Variants in VPS13B observed in about 807,000 individuals in gnomAD.
The protein encoded by VPS13B is vacuolar protein sorting 13 homolog B, also known as intermembrane lipid transfer protein VPS13B.
A neutral mutation model predicts 426.4 loss-of-function variants in VPS13B; 285 were observed. That is an observed-to-expected ratio of 0.67 (90% CI 0.61 to 0.74). The LOEUF (loss-of-function observed/expected upper bound fraction) is 0.74, where lower values mean the gene tolerates loss of function less well. Among genes scored for constraint, VPS13B ranks in the 30% least tolerant of loss-of-function variants. VPS13B has a pLI of 0.00. For synonymous variants in VPS13B, 1,676 were observed against 1,676.4 expected (o/e 1.00, Z 0.01); for missense variants, 4,537 against 4,782.6 (o/e 0.95, Z 1.51).
At chr8:99,591,334 G>A (rs890677670) in intron 33 of VPS13B, among the ~76,000 whole-genome samples, 1 of 151,904 alleles carries the variant, frequency 6.6e-6, no homozygotes, top group Non-Finnish European at 1.5e-5. Flanking sequence ...TTTAATTGGG[G>A]CATTTAGCCC....
chr8:99,256,454 T>A (rs1817746109), intron 17 of VPS13B, among the ~76,000 whole-genome samples: 1 of 152,200 alleles, frequency 6.6e-6, no homozygotes, highest in South Asian at 2.1e-4. Context: ...CTATGTTTAA[T>A]TTCTTGAGGA....
intron 39 of VPS13B, among the ~76,000 whole-genome samples, chr8:99,724,028 G>T (rs956643199): frequency 1.3e-5 from 2 of 152,220 alleles, no homozygotes; most frequent in African/African-American, 2.4e-5. Flanking sequence ...AGCAGAGTTT[G>T]TCCCAGAGCT....
chr8:99,104,570 C>G (rs997200043), intron 5 of VPS13B, among the ~76,000 whole-genome samples: 3 of 151,196 alleles, frequency 2.0e-5, no homozygotes, highest in African/African-American at 7.3e-5. Context: ...CCCCCCTCCC[C>G]TCTCCCTTTC....
rs1832195466 is a variant in VPS13B, at chr8:99,699,885, C to G, written c.6407C>G (p.Ser2136Ter). Residue 2136 changes from serine (S) to a stop codon, truncating the protein, a stop_gained, in exon 36 of 62, where the codon TCA becomes TGA. Coordinates refer to ENST00000357162, the MANE Select transcript of VPS13B (RefSeq NM_152564.5). LOFTEE classifies it high-confidence loss of function. ...TSKPCLLASL[S>*]NLNGSLSVKA... ...AAACCATGCCTGTTAGCATCTCTCT[C>G]AAACCTCAATGGAAGCCTTAGTGTC... 1.9e-6 allele frequency: 3 copies of G among 1,613,828 alleles called. No individual in the cohort carries two copies. The highest frequency in any genetic ancestry group is 2.5e-6 in the Non-Finnish European group (3 of 1,179,984).
At chr8:99,079,668 T>G (rs1845340220) in intron 3 of VPS13B, among the ~76,000 whole-genome samples, 1 of 152,208 alleles carries the variant, frequency 6.6e-6, no homozygotes, top group Non-Finnish European at 1.5e-5. Context: ...AAAATTGTTT[T>G]TTTAGGTTAC....
At chr8:99,030,378 G>GAT (rs1053740222) in intron 2 of VPS13B, among the ~76,000 whole-genome samples, 1 of 151,596 alleles carries the variant, frequency 6.6e-6, no homozygotes, top group African/African-American at 2.4e-5. Flanking sequence ...GTTTTCTCCG[G>GAT]ATACTCTGGT....
At chr8:99,871,762 AC>A in intron 61 of VPS13B, 65 bp downstream of exon 61, 1 of 1,608,792 alleles carries the variant, frequency 6.2e-7, no homozygotes, top group Non-Finnish European at 8.5e-7. Flanking sequence ...CAGGCTGGTC[AC>A]TGGTACCTAG....
chr8:99,457,279 G>A (rs751337264), intron 23 of VPS13B, among the ~76,000 whole-genome samples: 9 of 152,116 alleles, frequency 5.9e-5, no homozygotes, highest in East Asian at 3.9e-4. Flanking sequence ...TGGTCCGCCC[G>A]CTTTGGCCTC....
At chr8:99,297,533 G>GC (rs1379316211) in intron 19 of VPS13B, among the ~76,000 whole-genome samples, 3 of 45,052 alleles carry the variant, frequency 6.7e-5, no homozygotes, top group African/African-American at 3.3e-4. Context: ...GTAAAATCAT[G>GC]TGCTAATTCT....
intron 21 of VPS13B, among the ~76,000 whole-genome samples, chr8:99,414,749 A>G (rs1815898210): frequency 6.6e-6 from 1 of 152,106 alleles, no homozygotes; most frequent in South Asian, 2.1e-4. Flanking sequence ...ATTGGCCCCC[A>G]TTCTCTTCTG....
chr8:99,860,140 C>A (rs943148510), intron 57 of VPS13B, among the ~76,000 whole-genome samples: 2 of 152,172 alleles, frequency 1.3e-5, no homozygotes, highest in East Asian at 1.9e-4. Flanking sequence ...GAAAACAGGG[C>A]AAAGGGCTTC....
intron 2 of VPS13B, among the ~76,000 whole-genome samples, chr8:99,022,034 TATTA>T (rs1841921505): frequency 6.6e-6 from 1 of 152,154 alleles, no homozygotes; most frequent in Admixed American, 6.5e-5. Context: ...GCTAGGGTCT[TATTA>T]ATTTTATTAA....
chr8:99,439,695 T>C (rs1817584726), intron 22 of VPS13B, among the ~76,000 whole-genome samples: 1 of 152,036 alleles, frequency 6.6e-6, no homozygotes, highest in Non-Finnish European at 1.5e-5. Context: ...GGGAAGAAAA[T>C]GTGGCACAAC....
At chr8:99,091,022 C>A (rs1383125837) in intron 3 of VPS13B, among the ~76,000 whole-genome samples, 2 of 152,106 alleles carry the variant, frequency 1.3e-5, no homozygotes, top group Non-Finnish European at 2.9e-5. Context: ...TCATAGGTAG[C>A]AATAAAGAAC....
At chr8:99,449,485 G>GA (rs1211677571) in intron 23 of VPS13B, among the ~76,000 whole-genome samples, 1 of 151,994 alleles carries the variant, frequency 6.6e-6, no homozygotes, top group Admixed American at 6.6e-5. Flanking sequence ...GGGAAAACAT[G>GA]AAAAAAGATA....
At chr8:99,189,849 C>G (rs1199242212) in intron 16 of VPS13B, among the ~76,000 whole-genome samples, 1 of 152,096 alleles carries the variant, frequency 6.6e-6, no homozygotes, top group Non-Finnish European at 1.5e-5. Context: ...ATGATTTCAG[C>G]CTTTTTCATT....
intron 54 of VPS13B, among the ~76,000 whole-genome samples, chr8:99,836,262 A>G (rs1588765920): frequency 6.6e-6 from 1 of 152,312 alleles, no homozygotes; most frequent in East Asian, 1.9e-4. Flanking sequence ...ATAAGAACTT[A>G]GCATTTCCTT....
At chr8:99,832,297 A>G in intron 51 of VPS13B, 72 bp from the exon 52 acceptor site, 2 of 1,443,590 alleles carry the variant, frequency 1.4e-6, no homozygotes, top group Non-Finnish European at 1.8e-6. Context: ...TATGCTTTAA[A>G]AAGTTTAATT....
chr8:99,051,038 G>C (rs1048377513), intron 3 of VPS13B, among the ~76,000 whole-genome samples: 30 of 152,242 alleles, frequency 2.0e-4, no homozygotes, highest in South Asian at 6.2e-4. Flanking sequence ...AGTTTAATTA[G>C]ATCCCATTTG....
Sources: allele counts gnomAD v4.1 joint callset (sites outside exome capture counted in the v4.1 genomes callset), GRCh38; gene constraint gnomAD v4.1.1; transcripts MANE v1.5; gene names NCBI Gene and HGNC (gene_info 2026-07-23, HGNC 2026-07-21).